SMAD5: variants seen among roughly 807,000 people sequenced by gnomAD.
SMAD5 encodes the protein SMAD family member 5, also known as MAD, mothers against decapentaplegic homolog 5.
Under a neutral mutation model 43.1 loss-of-function variants are expected in SMAD5, and 9 were observed. That is an observed-to-expected ratio of 0.21 (90% CI 0.13 to 0.36). SMAD5 has a LOEUF of 0.36. Among genes scored for constraint, SMAD5 ranks in the 10% least tolerant of loss-of-function variants. The pLI, the probability that SMAD5 is intolerant of heterozygous loss-of-function variation, is 1.00. For missense variants in SMAD5, 348 were observed against 574.0 expected (o/e 0.61, Z 4.02); for synonymous variants, 190 against 192.4 (o/e 0.99, Z 0.10).
At chr5:136,174,669 A>T in intron 7 of SMAD5, 37 bp downstream of exon 7, 2 of 1,456,982 alleles carry the variant, frequency 1.4e-6, no homozygotes, top group African/African-American at 1.4e-5. Context: ...GAGTCACTAT[A>T]AATGTGTATA....
intron 3 of SMAD5, among the ~76,000 whole-genome samples, chr5:136,155,850 G>A (rs1270445398): frequency 1.3e-5 from 2 of 152,142 alleles, no homozygotes; most frequent in African/African-American, 2.4e-5. Context: ...ATAGTATATT[G>A]TTGTCTGGCA....
intron 2 of SMAD5, among the ~76,000 whole-genome samples, chr5:136,151,356 G>T (rs1028607796): frequency 1.3e-5 from 2 of 152,032 alleles, no homozygotes; most frequent in Non-Finnish European, 2.9e-5. Context: ...AAGTGGTCAG[G>T]GAATTCCTCT....
chr5:136,172,309 G>C, intron 5 of SMAD5, 125 bp from the exon 6 acceptor site: 1 of 597,598 alleles, frequency 1.7e-6, no homozygotes. Context: ...AGGACAGTGA[G>C]ACTTGTGAAA....
chr5:136,156,218 A>AG lies in SMAD5; in HGVS notation c.403+2056dup, dbSNP rs543761712. 1.1e-4 allele frequency among the ~76,000 whole-genome samples: 16 copies of AG among 152,324 alleles called. No individual in the cohort carries two copies. In the South Asian group the frequency reaches 3.3e-3, roughly 32 times the overall value. On this transcript the variant is annotated intron_variant, in intron 3 of 7. Coordinates refer to ENST00000545279, the MANE Select transcript of SMAD5 (RefSeq NM_005903.7). Reference sequence around the variant, plus strand: ...ACAGCTTCTTCAAAGCCAGTAAGGAAGAGAGGGTCTTCTGGTAAGAAGGAC... The same window carrying AG: ...ACAGCTTCTTCAAAGCCAGTAAGGAAGGAGAGGGTCTTCTGGTAAGAAGGAC...
chr5:136,165,662 A>ATATTTTTTTTTTTTTTTTTTTTTTTTTT, intron 5 of SMAD5, among the ~76,000 whole-genome samples: 1 of 65,450 alleles, frequency 1.5e-5, no homozygotes, highest in East Asian at 4.3e-4. Flanking sequence ...GAATCATACA[A>ATATTTTTTTTTTTTTTTTTTTTTTTTTT]TTTTTTTTTT....
chr5:136,137,619 G>C (rs1450025046), intron 1 of SMAD5, among the ~76,000 whole-genome samples: 1 of 152,144 alleles, frequency 6.6e-6, no homozygotes. Context: ...TACAACTTGA[G>C]TTCTAGTTAT....
chr5:136,153,813 T>C lies in SMAD5; in HGVS notation c.53T>C (p.Leu18Ser). 2.5e-6 allele frequency: 4 copies of C among 1,613,574 alleles called. No homozygotes were observed. The highest frequency in any genetic ancestry group is 2.5e-6 in the Non-Finnish European group (3 of 1,179,700). ...TTTACTAGTCCAGCAGTAAAGCGAT[T>C]GTTGGGCTGGAAACAAGGTGATGAG... ...FSFTSPAVKR[L>S]LGWKQGDEEE... The change falls in exon 3 of 8, where the codon TTG (leucine) becomes TCG (serine). Residue 18 changes from leucine to serine, a missense_variant. This residue lies in a region of SMAD5 where 39 missense variants were observed against 78.5 expected (regional missense o/e 0.50). Transcript: ENST00000545279.
chr5:136,166,804 C>G (rs535877454), intron 5 of SMAD5, among the ~76,000 whole-genome samples: 1 of 152,070 alleles, frequency 6.6e-6, no homozygotes, highest in African/African-American at 2.4e-5. Flanking sequence ...CTCCACTTAA[C>G]CTCCTTTTCT....
chr5:136,145,246 G>A lies in SMAD5; in HGVS notation c.-244-2586G>A, dbSNP rs186123850. Among the ~76,000 whole-genome samples the A allele has an allele frequency of 2.0e-5, 3 of 151,878 alleles. No homozygotes were observed. The East Asian group carries it at 5.8e-4, about 29-fold the overall frequency. On this transcript the variant is annotated intron_variant, in intron 1 of 7. Coordinates refer to ENST00000545279, the MANE Select transcript of SMAD5 (RefSeq NM_005903.7). The stretch of plus-strand genomic sequence containing the variant: ...GGCATGGCTCTGACTTGCTGTTTCT[G>A]TTGCTGTCATTTCAGTCTCAGTGTG...
At chr5:136,138,284 C>G (rs1407017478) in intron 1 of SMAD5, among the ~76,000 whole-genome samples, 2 of 152,194 alleles carry the variant, frequency 1.3e-5, no homozygotes, top group Non-Finnish European at 2.9e-5. Context: ...TGTTGGGAAT[C>G]ATGAGTTCAG....
intron 1 of SMAD5, 120 bp downstream of exon 1, chr5:136,133,082 C>T (rs923043773): frequency 2.0e-5 from 3 of 152,332 alleles, no homozygotes; most frequent in African/African-American, 7.2e-5. Flanking sequence ...CGACCCAGGG[C>T]CTGTCGGGCG....
At position 136,167,101 on chromosome 5, in the gene SMAD5, A is replaced by T. The variant is rs1227077021; in HGVS notation, c.775+3710A>T. On this transcript the variant is annotated intron_variant, in intron 5 of 7. Coordinates refer to ENST00000545279, the MANE Select transcript of SMAD5 (RefSeq NM_005903.7). ...TAGCAACAATACGTCTTCTGCCTTG[A>T]GCAGAGGCAGTGCTTTTCTGGTTCC... 2.0e-5 allele frequency among the ~76,000 whole-genome samples: 3 copies of T among 152,186 alleles called. No individual in the cohort carries two copies. The South Asian group carries it at 6.2e-4, about 31-fold the overall frequency.
chr5:136,155,063 A>G (rs765318852), intron 3 of SMAD5, among the ~76,000 whole-genome samples: 28 of 152,178 alleles, frequency 1.8e-4, no homozygotes, highest in South Asian at 4.1e-4. Context: ...AAGATTGTCT[A>G]TAAGCTGATG....
rs764566154 is a variant in SMAD5, at chr5:136,179,002, G to C, written c.*1522G>C. The C allele has an allele frequency of 6.6e-6, 1 of 152,484 alleles. No homozygotes were observed. Among genetic ancestry groups the C allele is most frequent in the Non-Finnish European group, 1.5e-5 (1 of 68,342 alleles). The allele number at this position is 152,484 out of a possible 1,614,324, so 9.4% of individuals were successfully genotyped here. A position where few individuals can be genotyped will look rare whatever the true frequency, so the allele number is the denominator to read the frequency against. On this transcript the variant is annotated 3_prime_UTR_variant, in exon 8 of 8. Coordinates refer to ENST00000545279, the MANE Select transcript of SMAD5 (RefSeq NM_005903.7). ...TGGGAGGCGGAGGTTGTGGTGAGCC[G>C]AGATCGCACCACTGCACTCCAGCCT... is the stretch of plus-strand genomic sequence containing the variant.
chr5:136,149,986 A>G (rs992613408), intron 2 of SMAD5, among the ~76,000 whole-genome samples: 10 of 151,774 alleles, frequency 6.6e-5, no homozygotes, highest in African/African-American at 1.7e-4. Flanking sequence ...CTTTGTTTAC[A>G]TTCTCTTTAA....
At chr5:136,139,609 T>C (rs1291810089) in intron 1 of SMAD5, among the ~76,000 whole-genome samples, 1 of 152,202 alleles carries the variant, frequency 6.6e-6, no homozygotes, top group Non-Finnish European at 1.5e-5. Context: ...CTCCCCTCCC[T>C]TAGATTACTG....
intron 3 of SMAD5, among the ~76,000 whole-genome samples, chr5:136,156,648 G>T (rs1378663131): frequency 6.6e-6 from 1 of 152,140 alleles, no homozygotes; most frequent in Non-Finnish European, 1.5e-5. Context: ...AGAAGTATAG[G>T]CTGAAAAACT....
At chr5:136,139,194 C>G (rs551555558) in intron 1 of SMAD5, among the ~76,000 whole-genome samples, 94 of 149,624 alleles carry the variant, frequency 6.3e-4, no homozygotes, top group Non-Finnish European at 1.1e-3. Context: ...ATGTGTGTCT[C>G]GGGGTGGGTA....
chr5:136,176,457 C>CAAAAAAAAAAAA (rs60311104), intron 7 of SMAD5, among the ~76,000 whole-genome samples: 18 of 68,508 alleles, frequency 2.6e-4, no homozygotes, highest in African/African-American at 8.7e-4. Flanking sequence ...CTCTGTCTCA[C>CAAAAAAAAAAAA]AAAAAAAAAA....
Sources: gnomAD v4.1 joint callset for allele counts (sites outside exome capture counted in the v4.1 genomes callset) on GRCh38, gnomAD v4.1.1 for gene constraint, gnomAD v4.1.1 regional missense constraint, MANE v1.5 for transcripts, NCBI Gene and HGNC (gene_info 2026-07-23, HGNC 2026-07-21) for gene names.